Variants in GPC5 observed in about 807,000 individuals in gnomAD.
GPC5 encodes glypican 5.
A neutral mutation model predicts 53.9 loss-of-function variants in GPC5; 47 were observed. The ratio of observed to expected loss-of-function variants is 0.87; its 90% CI spans 0.69 to 1.11. GPC5 has a LOEUF of 1.11. Among genes scored for constraint, GPC5 ranks in the 50% most tolerant of loss-of-function variants. GPC5 has a pLI of 0.00. For missense variants in GPC5, 748 were observed against 713.1 expected (o/e 1.05, Z -0.56); for synonymous variants, 286 against 263.3 (o/e 1.09, Z -0.84).
At chr13:92,836,714 A>T (rs532605946) in intron 7 of GPC5, among the ~76,000 whole-genome samples, 10 of 152,242 alleles carry the variant, frequency 6.6e-5, no homozygotes, top group Admixed American at 5.9e-4. Flanking sequence ...AATGATATAT[A>T]TGCCAACTTA....
At chr13:91,595,331 G>A (rs1371006424) in intron 2 of GPC5, among the ~76,000 whole-genome samples, 1 of 151,956 alleles carries the variant, frequency 6.6e-6, no homozygotes, top group Non-Finnish European at 1.5e-5. Context: ...TTTTTTAACA[G>A]ACTTTTAAAA....
chr13:91,557,198 A>ATC lies in GPC5; in HGVS notation c.325+108277_325+108278dup, dbSNP rs577418795. Reference sequence around the variant, plus strand: ...TGTATGAGCGATTCCGTTTCTCTGCATCCTCGCCATCATTTCCTGCTGCTC... The same window carrying ATC: ...TGTATGAGCGATTCCGTTTCTCTGCATCTCCTCGCCATCATTTCCTGCTGCTC... On this transcript the variant is annotated intron_variant, in intron 2 of 7. Coordinates refer to ENST00000377067, the MANE Select transcript of GPC5 (RefSeq NM_004466.6). Among the ~76,000 whole-genome samples, 7 of 152,232 alleles carry ATC rather than the reference A, an allele frequency of 4.6e-5. No homozygotes were observed. In the South Asian group the frequency reaches 1.5e-3, roughly 32 times the overall value.
chr13:91,490,714 T>C (rs529720373), intron 2 of GPC5, among the ~76,000 whole-genome samples: 2 of 152,224 alleles, frequency 1.3e-5, no homozygotes, highest in African/African-American at 2.4e-5. Context: ...TTATGACCTG[T>C]CTAGGTCCAG....
chr13:92,135,090 T>A (rs1217245400), intron 6 of GPC5, among the ~76,000 whole-genome samples: 13 of 152,142 alleles, frequency 8.5e-5, no homozygotes, highest in Non-Finnish European at 2.9e-5. Context: ...ATACATTGCT[T>A]ACTCACAAAA....
chr13:92,431,955 G>A (rs748523157), intron 7 of GPC5, among the ~76,000 whole-genome samples: 7 of 152,182 alleles, frequency 4.6e-5, no homozygotes, highest in Admixed American at 6.5e-5. Context: ...AAGGCATCAA[G>A]GATACATACT....
intron 7 of GPC5, among the ~76,000 whole-genome samples, chr13:92,809,145 A>G (rs1240483740): frequency 6.6e-6 from 1 of 152,150 alleles, no homozygotes; most frequent in Non-Finnish European, 1.5e-5. Context: ...AAGAATGGAC[A>G]GTTACTCTCT....
At chr13:91,826,775 T>C (rs1370748342) in intron 5 of GPC5, among the ~76,000 whole-genome samples, 1 of 152,062 alleles carries the variant, frequency 6.6e-6, no homozygotes, top group Admixed American at 6.6e-5. Flanking sequence ...AAGGAAAGCA[T>C]TGTTAATAAA....
intron 7 of GPC5, among the ~76,000 whole-genome samples, chr13:92,670,260 G>A (rs2139203945): frequency 6.6e-6 from 1 of 152,260 alleles, no homozygotes; most frequent in East Asian, 1.9e-4. Context: ...CCATATGGAT[G>A]CCAAGGAGAC....
chr13:92,838,487 C>CA (rs1878301387), intron 7 of GPC5, among the ~76,000 whole-genome samples: 1 of 142,022 alleles, frequency 7.0e-6, no homozygotes, highest in Non-Finnish European at 1.5e-5. Context: ...CGCGCCCCCC[C>CA]CAAAAAAAAA....
chr13:91,632,201 A>C (rs1360557933), intron 2 of GPC5, among the ~76,000 whole-genome samples: 1 of 152,164 alleles, frequency 6.6e-6, no homozygotes, highest in Non-Finnish European at 1.5e-5. Context: ...TAAGATGTTA[A>C]AATGATATCC....
chr13:91,910,467 T>A (rs2039599402), intron 6 of GPC5, among the ~76,000 whole-genome samples: 1 of 152,212 alleles, frequency 6.6e-6, no homozygotes, highest in Admixed American at 6.5e-5. Flanking sequence ...TTTACTTTAT[T>A]TTTTATTATA....
chr13:92,265,361 A>G (rs1195540854), intron 7 of GPC5, among the ~76,000 whole-genome samples: 1 of 152,136 alleles, frequency 6.6e-6, no homozygotes, highest in African/African-American at 2.4e-5. Context: ...CAGATAGTTT[A>G]GTTCATCACT....
intron 6 of GPC5, among the ~76,000 whole-genome samples, chr13:92,101,230 T>C (rs1394561594): frequency 6.6e-6 from 1 of 152,204 alleles, no homozygotes; most frequent in East Asian, 1.9e-4. Flanking sequence ...CCATGTTGCT[T>C]TTAATTTTTT....
intron 5 of GPC5, among the ~76,000 whole-genome samples, chr13:91,836,455 T>C (rs1206007816): frequency 1.3e-5 from 2 of 152,098 alleles, no homozygotes; most frequent in African/African-American, 4.8e-5. Context: ...AAAAAATATC[T>C]GTTCTGCTTA....
intron 7 of GPC5, among the ~76,000 whole-genome samples, chr13:92,190,360 G>A (rs1221612905): frequency 6.6e-6 from 1 of 151,982 alleles, no homozygotes; most frequent in Non-Finnish European, 1.5e-5. Context: ...AATTATATAG[G>A]TCCTAAAATC....
intron 7 of GPC5, among the ~76,000 whole-genome samples, chr13:92,353,873 A>G (rs954263215): frequency 6.6e-6 from 1 of 152,234 alleles, no homozygotes; most frequent in Non-Finnish European, 1.5e-5. Context: ...ATTTATTTCT[A>G]TAGAACATGA....
At chr13:91,865,950 A>T (rs1594627232) in intron 5 of GPC5, among the ~76,000 whole-genome samples, 1 of 152,098 alleles carries the variant, frequency 6.6e-6, no homozygotes, top group African/African-American at 2.4e-5. Context: ...TCGCCGCAAC[A>T]TCTGCCTCCT....
intron 7 of GPC5, among the ~76,000 whole-genome samples, chr13:92,547,426 T>C (rs1478061788): frequency 2.0e-5 from 3 of 152,226 alleles, no homozygotes; most frequent in African/African-American, 4.8e-5. Flanking sequence ...TTTTTACCTG[T>C]TTATTTTCAG....
At chr13:92,539,929 A>G (rs1008204270) in intron 7 of GPC5, among the ~76,000 whole-genome samples, 1 of 152,004 alleles carries the variant, frequency 6.6e-6, no homozygotes, top group Non-Finnish European at 1.5e-5. Flanking sequence ...GAATTAATTA[A>G]TAAGTCTATG....
Sources: allele counts gnomAD v4.1 joint callset (sites outside exome capture counted in the v4.1 genomes callset), GRCh38; gene constraint gnomAD v4.1.1; transcripts MANE v1.5; gene names NCBI Gene and HGNC (gene_info 2026-07-23, HGNC 2026-07-21).